ALPL: variants seen among roughly 807,000 people sequenced by gnomAD.
The protein encoded by ALPL is alkaline phosphatase, tissue-nonspecific isozyme.
ALPL carries 42 observed loss-of-function variants against 51.3 expected under a neutral mutation model. The ratio of observed to expected loss-of-function variants is 0.82; its 90% confidence interval spans 0.64 to 1.06. The LOEUF is 1.06. Ranked by LOEUF, ALPL falls within the 50% of genes least tolerant of loss-of-function variation. The pLI, the probability that ALPL is intolerant of heterozygous loss-of-function variation, is 0.00. For synonymous variants in ALPL, 279 were observed against 296.4 expected, an observed-to-expected ratio of 0.94 and a Z score of 0.60; for missense variants, 589 against 709.4, an observed-to-expected ratio of 0.83 and a Z score of 1.93.
chr1:21,537,063 A>AT (rs1477330062), intron 1 of ALPL, among the ~76,000 whole-genome samples: 3 of 151,662 alleles, frequency 2.0e-5, no homozygotes, highest in Admixed American at 6.6e-5. Flanking sequence ...CGCCTGGCTA[A>AT]TTTTTTGTAT....
At chr1:21,532,140 T>TAG (rs1268407808) in intron 1 of ALPL, among the ~76,000 whole-genome samples, 1 of 152,128 alleles carries the variant, frequency 6.6e-6, no homozygotes, top group Non-Finnish European at 1.5e-5. Flanking sequence ...ATAAACTGAT[T>TAG]AGAGACAACC....
chr1:21,566,423 A>T (rs1644565401), intron 6 of ALPL, among the ~76,000 whole-genome samples: 1 of 151,740 alleles, frequency 6.6e-6, no homozygotes, highest in Non-Finnish European at 1.5e-5. Flanking sequence ...AGCTGGGATT[A>T]TAGGCGCACA....
At chr1:21,560,413 T>G (rs894495451) in intron 2 of ALPL, among the ~76,000 whole-genome samples, 3 of 152,110 alleles carry the variant, frequency 2.0e-5, no homozygotes, top group Non-Finnish European at 4.4e-5. Flanking sequence ...TTCTGAGATG[T>G]GAGGAGAAGA....
chr1:21,577,336 G>C, intron 11 of ALPL, 47 bp from the exon 12 acceptor site: 2 of 1,612,546 alleles, frequency 1.2e-6, no homozygotes, highest in Non-Finnish European at 1.7e-6. Flanking sequence ...CGTGCGCAGC[G>C]CCAGGCCCCT....
intron 1 of ALPL, among the ~76,000 whole-genome samples, chr1:21,528,796 G>T (rs184593856): frequency 6.6e-6 from 1 of 151,818 alleles, no homozygotes; most frequent in Non-Finnish European, 1.5e-5. Context: ...AGGGCCGGGC[G>T]TCGTGGCTCA....
chr1:21,553,348 T>C (rs1015908000), intron 1 of ALPL, among the ~76,000 whole-genome samples: 1 of 152,166 alleles, frequency 6.6e-6, no homozygotes, highest in Admixed American at 6.5e-5. Context: ...TTTTTTCACA[T>C]ATGTGACTCC....
At chr1:21,543,309 C>T (rs1382489735) in intron 1 of ALPL, among the ~76,000 whole-genome samples, 1 of 151,852 alleles carries the variant, frequency 6.6e-6, no homozygotes, top group Non-Finnish European at 1.5e-5. Context: ...TTTTTTTCCC[C>T]AACACTCCCT....
Position 21,577,527 on chromosome 1 carries a change from C to T in ALPL, c.1454C>T (p.Ala485Val), listed in dbSNP as rs886044912. The T allele has an allele frequency of 1.9e-6, 3 of 1,607,324 alleles. No individual in the cohort carries two copies. The highest frequency in any genetic ancestry group is 2.5e-6 in the Non-Finnish European group (3 of 1,179,902). ...CAGAACTACGTCCCCCACGTGATGGCGTATGCAGCCTGCATCGGGGCCAAC... is the reference window on the plus strand; with the variant it reads ...CAGAACTACGTCCCCCACGTGATGGTGTATGCAGCCTGCATCGGGGCCAAC... The part of the protein sequence containing the change: ...HEQNYVPHVM[A>V]YAACIGANLG... The change falls in exon 12 of 12, where the codon GCG becomes GTG. Residue 485 changes from alanine (A) to valine (V), a missense_variant. Ala to Val is a moderately conservative substitution (Grantham distance 64). Transcript: ENST00000374840.
chr1:21,528,551 C>T lies in ALPL; in HGVS notation c.-105+19034C>T, dbSNP rs551879931. ...ATTTTTAGTAGAGATGAGATTTCAC[C>T]ATATTGGCCAGACTGGTCTCGGACT... is the stretch of plus-strand genomic sequence containing the variant. On this transcript the variant is annotated intron_variant, in intron 1 of 11. Transcript: ENST00000374840. Among the ~76,000 whole-genome samples, 3 of 151,238 alleles carry T rather than the reference C, an allele frequency of 2.0e-5. No individual in the cohort carries two copies. In the East Asian group the frequency reaches 6.0e-4, roughly 30 times the overall value.
chr1:21,536,581 T>A (rs1378643499), intron 1 of ALPL, among the ~76,000 whole-genome samples: 1 of 152,122 alleles, frequency 6.6e-6, no homozygotes, highest in Non-Finnish European at 1.5e-5. Flanking sequence ...AGAGGTTGCT[T>A]CCTCTTCAGG....
At chr1:21,518,752 C>G (rs1485788637) in intron 1 of ALPL, among the ~76,000 whole-genome samples, 1 of 152,094 alleles carries the variant, frequency 6.6e-6, no homozygotes, top group Non-Finnish European at 1.5e-5. Flanking sequence ...CGTAATAGGC[C>G]ACTGAAGTCC....
chr1:21,577,904 G>A lies in ALPL; in HGVS notation c.*256G>A. On this transcript the variant is annotated 3_prime_UTR_variant, in exon 12 of 12. Transcript: ENST00000374840. ...CAACAGGGTAGATTTCTCTTGGGCA[G>A]GCAGAGAGTACAGACTGCAGACATT... 1.7e-6 allele frequency: 1 copy of A among 595,236 alleles called. No individual in the cohort carries two copies. Among genetic ancestry groups the A allele is most frequent in the East Asian group, 2.8e-5 (1 of 36,004 alleles). The allele number at this position is 595,236 out of a possible 1,614,324, so 36.9% of individuals were successfully genotyped here.
chr1:21,528,340 CA>C, intron 1 of ALPL, among the ~76,000 whole-genome samples: 2 of 115,892 alleles, frequency 1.7e-5, no homozygotes, highest in African/African-American at 3.3e-5. Context: ...CTGACCTATT[CA>C]GTTTTTTTTT....
chr1:21,554,826 T>C (rs1333581293), intron 2 of ALPL, among the ~76,000 whole-genome samples: 1 of 119,124 alleles, frequency 8.4e-6, no homozygotes, highest in Non-Finnish European at 1.8e-5. Context: ...TCTTTCTTTC[T>C]TTCTTTCTTT....
At chr1:21,547,611 T>C (rs1371292297) in intron 1 of ALPL, among the ~76,000 whole-genome samples, 1 of 152,194 alleles carries the variant, frequency 6.6e-6, no homozygotes, top group Non-Finnish European at 1.5e-5. Flanking sequence ...TCTCGTGAGA[T>C]GGAGCAAGCG....
chr1:21,576,374 G>C, intron 10 of ALPL, 148 bp from the exon 11 acceptor site: 1 of 1,047,056 alleles, frequency 9.6e-7, no homozygotes, highest in Non-Finnish European at 1.4e-6. Flanking sequence ...GAAATAATAA[G>C]GTTTAGAAGG....
chr1:21,534,969 C>T (rs1164441096), intron 1 of ALPL, among the ~76,000 whole-genome samples: 8 of 152,324 alleles, frequency 5.3e-5, no homozygotes, highest in Admixed American at 2.0e-4. Context: ...GCTGTACTTA[C>T]CGCCACCTGG....
chr1:21,532,003 G>T (rs561360281), intron 1 of ALPL, among the ~76,000 whole-genome samples: 1 of 151,676 alleles, frequency 6.6e-6, no homozygotes, highest in East Asian at 1.9e-4. Context: ...TGTTACTTGG[G>T]ATTGATGTTG....
At position 21,573,885 on chromosome 1, in the gene ALPL, T is replaced by C; in HGVS notation, c.997+86T>C. On this transcript the variant is annotated intron_variant, in intron 9 of 11. Transcript: ENST00000374840. ...GAGAAGTCCAGCTCTTAAAGGGAAC[T>C]GACTGGTTTGGGGGTGAAGGGAGAG... 5.0e-6 allele frequency: 8 copies of C among 1,596,252 alleles called. No individual in the cohort carries two copies. In the South Asian group the frequency reaches 7.9e-5, roughly 16 times the overall value.
Sources: gnomAD v4.1 joint callset for allele counts (sites outside exome capture counted in the v4.1 genomes callset) on GRCh38, gnomAD v4.1.1 for gene constraint, MANE v1.5 for transcripts, NCBI Gene and HGNC (gene_info 2026-07-23, HGNC 2026-07-21) for gene names.